The following PATJ variants were observed in gnomAD, a reference collection of about 807,000 sequenced individuals.
The protein encoded by PATJ is PATJ crumbs cell polarity complex component.
A neutral mutation model predicts 224.9 loss-of-function variants in PATJ; 190 were observed. That is an observed-to-expected ratio of 0.84 (90% CI 0.75 to 0.95). The LOEUF (loss-of-function observed/expected upper bound fraction) is 0.95, where lower values mean the gene tolerates loss of function less well. Ranked by LOEUF, PATJ falls within the 40% of genes least tolerant of loss-of-function variation. The pLI is 0.00. For missense variants in PATJ, 2,121 were observed against 2,270.3 expected (o/e 0.93, Z 1.34); for synonymous variants, 769 against 820.3 (o/e 0.94, Z 1.07).
At chr1:61,901,546 G>A (rs775585426) in intron 24 of PATJ, 87 bp downstream of exon 24, 81 of 917,768 alleles carry the variant, frequency 8.8e-5, no homozygotes, top group Non-Finnish European at 1.3e-4. Context: ...TTCTTTATGT[G>A]TTGGGGACCG....
chr1:62,014,864 G>T (rs1646678404), intron 28 of PATJ, among the ~76,000 whole-genome samples: 1 of 152,066 alleles, frequency 6.6e-6, no homozygotes, highest in Non-Finnish European at 1.5e-5. Flanking sequence ...TCTGCACCTG[G>T]CCACTGCATG....
chr1:62,114,727 G>T (rs535961638), intron 35 of PATJ: 1 of 158,292 alleles, frequency 6.3e-6, no homozygotes, highest in African/African-American at 2.4e-5. Context: ...AATTCTTCAC[G>T]ATAGTAGTTT....
intron 1 of PATJ, among the ~76,000 whole-genome samples, chr1:61,746,859 AT>A (rs1270035246): frequency 1.4e-4 from 21 of 152,358 alleles, no homozygotes; most frequent in African/African-American, 4.8e-4. Context: ...TTCAGATTGC[AT>A]TTTTAAAGTT....
intron 27 of PATJ, among the ~76,000 whole-genome samples, chr1:61,951,649 T>A (rs192393843): frequency 1.3e-5 from 2 of 152,256 alleles, no homozygotes; most frequent in African/African-American, 4.8e-5. Context: ...TTTTTATATT[T>A]TTCCCCCCTG....
At chr1:62,158,590 G>A (rs7522336) in intron 43 of PATJ, among the ~76,000 whole-genome samples, 105,752 of 147,534 alleles carry the variant, frequency 0.72, 40,128 homozygotes, top group East Asian at 0.81. Context: ...GCGTGGTGGC[G>A]GGCGCCTGTA....
intron 31 of PATJ, among the ~76,000 whole-genome samples, chr1:62,066,196 A>G (rs929182261): frequency 1.3e-5 from 2 of 152,324 alleles, no homozygotes; most frequent in Admixed American, 1.3e-4. Flanking sequence ...TATGCATTCT[A>G]TAGGCATTAT....
intron 41 of PATJ, among the ~76,000 whole-genome samples, chr1:62,138,965 C>T (rs2148989577): frequency 6.6e-6 from 1 of 152,232 alleles, no homozygotes; most frequent in South Asian, 2.1e-4. Flanking sequence ...TTCATATCTG[C>T]CTCCCACACT....
intron 20 of PATJ, among the ~76,000 whole-genome samples, chr1:61,871,456 C>CATATATAT (rs1557792901): frequency 5.2e-5 from 2 of 38,656 alleles, no homozygotes; most frequent in African/African-American, 9.4e-5. Context: ...CATATATATG[C>CATATATAT]GTATATATAT....
chr1:61,811,259 A>G (rs1654708025), intron 14 of PATJ, among the ~76,000 whole-genome samples: 1 of 151,992 alleles, frequency 6.6e-6, no homozygotes, highest in African/African-American at 2.4e-5. Context: ...ACGGAGTTTC[A>G]TTTTTATTGC....
chr1:61,903,100 C>T (rs1671414902), intron 24 of PATJ, among the ~76,000 whole-genome samples: 1 of 152,138 alleles, frequency 6.6e-6, no homozygotes, highest in Non-Finnish European at 1.5e-5. Context: ...AGGTCTTCTG[C>T]TCTGAACGCA....
chr1:62,084,767 A>G, intron 33 of PATJ, 119 bp downstream of exon 33: 1 of 1,006,246 alleles, frequency 9.9e-7, no homozygotes, highest in East Asian at 2.5e-5. Flanking sequence ...AGAAAATGTG[A>G]TTATAAATAG....
intron 31 of PATJ, chr1:62,073,298 C>T: frequency 1.0e-6 from 1 of 985,336 alleles, no homozygotes; most frequent in Non-Finnish European, 1.2e-6. Flanking sequence ...GTGTTCACCT[C>T]TCTGTCCCAA....
intron 21 of PATJ, among the ~76,000 whole-genome samples, chr1:61,877,404 A>G (rs183220823): frequency 1.6e-4 from 24 of 151,940 alleles, no homozygotes; most frequent in Admixed American, 5.2e-4. Context: ...TCCTATAAGC[A>G]TTAACTTCTG....
At chr1:61,885,105 G>A (rs1296726948) in intron 22 of PATJ, among the ~76,000 whole-genome samples, 4 of 152,160 alleles carry the variant, frequency 2.6e-5, no homozygotes, top group Non-Finnish European at 5.9e-5. Flanking sequence ...TTGGAGTCCT[G>A]GCATAGGCAT....
chr1:61,823,143 C>T (rs1657610340), intron 15 of PATJ, 64 bp downstream of exon 15: 1 of 1,528,412 alleles, frequency 6.5e-7, no homozygotes, highest in Non-Finnish European at 9.0e-7. Flanking sequence ...AACGTGTTCT[C>T]ATCACAAATC....
rs1042264933 is a variant in PATJ, at chr1:61,798,996, A to G, written c.1402+1568A>G. Among the ~76,000 whole-genome samples, 2 of 152,172 alleles carry G rather than the reference A, an allele frequency of 1.3e-5. 1 individual carries two copies. The highest frequency in any genetic ancestry group is 3.8e-4 in the East Asian group (2 of 5,198). On this transcript the variant is annotated intron_variant, in intron 11 of 43. Coordinates refer to ENST00000642238, the MANE Select transcript of PATJ (RefSeq NM_001350145.3). ...CTGAAAATATTCTTCTGAAGATACA[A>G]TACACCTGGAAGCCTTTGCTTTCAG... is the stretch of plus-strand genomic sequence containing the variant.
At chr1:62,009,780 T>G (rs1397829375) in intron 28 of PATJ, among the ~76,000 whole-genome samples, 1 of 151,926 alleles carries the variant, frequency 6.6e-6, no homozygotes, top group Non-Finnish European at 1.5e-5. Flanking sequence ...CACCGGGAGA[T>G]TTCATGTCAA....
At chr1:62,079,334 C>A in intron 31 of PATJ, 116 bp from the exon 32 acceptor site, 1 of 656,766 alleles carries the variant, frequency 1.5e-6, no homozygotes, top group Non-Finnish European at 2.7e-6. Context: ...ACCTTATATT[C>A]TCAAAAGACA....
At chr1:62,124,521 C>T (rs758172095) in intron 39 of PATJ, among the ~76,000 whole-genome samples, 2 of 152,216 alleles carry the variant, frequency 1.3e-5, no homozygotes, top group Non-Finnish European at 2.9e-5. Context: ...AATGATACCT[C>T]TGTTTGAAGG....
Sources: allele counts gnomAD v4.1 joint callset (sites outside exome capture counted in the v4.1 genomes callset), GRCh38; gene constraint gnomAD v4.1.1; transcripts MANE v1.5; gene names NCBI Gene and HGNC (gene_info 2026-07-23, HGNC 2026-07-21).